Variants in PPM1B observed in about 807,000 individuals in gnomAD.
PPM1B encodes protein phosphatase, Mg2+/Mn2+ dependent 1B.
PPM1B carries 22 observed loss-of-function variants against 43.0 expected under a neutral mutation model. That is an observed-to-expected ratio of 0.51 (90% CI 0.37 to 0.73). The LOEUF (loss-of-function observed/expected upper bound fraction) is 0.73. Among genes scored for constraint, PPM1B ranks in the 30% least tolerant of loss-of-function variants. The pLI, the probability that PPM1B is intolerant of heterozygous loss-of-function variation, is 0.00. For missense variants in PPM1B, 632 were observed against 584.2 expected (o/e 1.08, Z -0.84); for synonymous variants, 217 against 197.9 (o/e 1.10, Z -0.81).
rs1553326413 is a variant in PPM1B at position 44,178,452 on chromosome 2, GTA to G, written c.-15+9200_-15+9201del. ...CCTACCAGTGGTGTATTTTATATAT[GTA>G]TATATATATATATATATATATTTTT... is the stretch of plus-strand genomic sequence containing the variant. On this transcript the variant is annotated intron_variant, in intron 1 of 5. Transcript: ENST00000282412. 9.9e-3 allele frequency among the ~76,000 whole-genome samples: 1,340 copies of G among 135,662 alleles called. 18 individuals carry two copies. Among genetic ancestry groups the G allele is most frequent in the African/African-American group, 0.032 (1,169 of 36,164 alleles). 89.0% of individuals were successfully genotyped at this position (135,662 alleles called of 152,430 possible). A position where few individuals can be genotyped will look rare whatever the true frequency, so the allele number is the denominator to read the frequency against.
At chr2:44,239,435 T>C (rs1335243366), downstream of PPM1B, among the ~76,000 whole-genome samples, 2 of 143,474 alleles carry the variant, frequency 1.4e-5, no homozygotes, top group African/African-American at 4.9e-5. Context: ...CAGACTGTTT[T>C]TCTTTTTTTC....
intron 1 of PPM1B, among the ~76,000 whole-genome samples, chr2:44,194,057 A>T (rs1221246673): frequency 6.6e-6 from 1 of 151,924 alleles, no homozygotes; most frequent in Non-Finnish European, 1.5e-5. Context: ...TGTTTTTAAT[A>T]TCTTTTTGGT....
chr2:44,198,928 A>G (rs920284982), intron 1 of PPM1B, among the ~76,000 whole-genome samples: 2 of 152,168 alleles, frequency 1.3e-5, no homozygotes, highest in East Asian at 1.9e-4. Flanking sequence ...TGAAAATTTC[A>G]TTACAATCAC....
intron 3 of PPM1B, among the ~76,000 whole-genome samples, chr2:44,216,239 A>C (rs1410950807): frequency 6.6e-6 from 1 of 152,174 alleles, no homozygotes; most frequent in Non-Finnish European, 1.5e-5. Context: ...ACTAGAGTAG[A>C]GGGGTGTAAA....
intron 5 of PPM1B, among the ~76,000 whole-genome samples, chr2:44,226,211 A>G (rs1372700102): frequency 2.0e-5 from 3 of 151,622 alleles, no homozygotes; most frequent in African/African-American, 7.3e-5. Flanking sequence ...TCTTGACCTC[A>G]TGATCTGCCT....
At chr2:44,208,542 A>G (rs1669301661) in intron 2 of PPM1B, among the ~76,000 whole-genome samples, 1 of 152,010 alleles carries the variant, frequency 6.6e-6, no homozygotes, top group Non-Finnish European at 1.5e-5. Flanking sequence ...GTGAAACCCC[A>G]TCTCTACTAA....
intron 5 of PPM1B, among the ~76,000 whole-genome samples, chr2:44,229,136 C>G (rs919865405): frequency 1.3e-5 from 2 of 150,920 alleles, no homozygotes; most frequent in African/African-American, 2.4e-5. Context: ...GAGCCGAGAA[C>G]ATGCCATTGC....
chr2:44,172,082 A>AT (rs1667375158), intron 1 of PPM1B, among the ~76,000 whole-genome samples: 1 of 152,212 alleles, frequency 6.6e-6, no homozygotes, highest in Non-Finnish European at 1.5e-5. Flanking sequence ...TTAATCCAAA[A>AT]TTATAATAGC....
chr2:44,191,907 A>G (rs1173948801), intron 1 of PPM1B, among the ~76,000 whole-genome samples: 5 of 151,436 alleles, frequency 3.3e-5, no homozygotes, highest in Admixed American at 6.6e-5. Context: ...GTGTCTCTGT[A>G]TGTGTGTGTG....
rs1553329837 is a variant in PPM1B at position 44,192,190 on chromosome 2, G to GTTATGGTATT, written c.-14-8996_-14-8995insTTATGGTATT. Among the ~76,000 whole-genome samples, 183 of 143,632 alleles carry GTTATGGTATT rather than the reference G, an allele frequency of 1.3e-3. 2 individuals are homozygous for GTTATGGTATT. Among genetic ancestry groups the GTTATGGTATT allele is most frequent in the Middle Eastern group, 7.1e-3 (2 of 280 alleles). The allele number at this position is 143,632 out of a possible 152,430, so 94.2% of individuals were successfully genotyped here. A position where few individuals can be genotyped will look rare whatever the true frequency, so the allele number is the denominator to read the frequency against. On this transcript the variant is annotated intron_variant, in intron 1 of 5. Coordinates refer to ENST00000282412, the MANE Select transcript of PPM1B (RefSeq NM_002706.6). ...TTTATGTTATGTTATGTTATGTTAT[G>GTTATGGTATT]GTATTGTATTGTATTGTATTGTATT...
intron 1 of PPM1B, among the ~76,000 whole-genome samples, chr2:44,183,682 A>G (rs1290086072): frequency 6.6e-6 from 1 of 152,110 alleles, no homozygotes; most frequent in African/African-American, 2.4e-5. Flanking sequence ...CCCAACTTTG[A>G]GCCTGAGGAT....
downstream of PPM1B, chr2:44,234,203 G>T: frequency 3.1e-6 from 3 of 983,412 alleles, no homozygotes; most frequent in Non-Finnish European, 3.6e-6. Context: ...CTGTACTCTA[G>T]AAATATTTAT....
rs1667192622 is a variant in PPM1B, at chr2:44,169,236, G to A, written c.-53G>A. 6.5e-6 allele frequency: 1 copy of A among 154,324 alleles called. No individual in the cohort carries two copies. 9.6% of individuals were successfully genotyped at this position (154,324 alleles called of 1,614,324 possible). A position where few individuals can be genotyped will look rare whatever the true frequency, so the allele number is the denominator to read the frequency against. ...GGGCTGAGTACCGCGGCGGGCGCGA[G>A]CGAGGCGCCCTAGACATCTTCTCCC... On this transcript the variant is annotated 5_prime_UTR_variant, in exon 1 of 6. Coordinates refer to ENST00000282412, the MANE Select transcript of PPM1B (RefSeq NM_002706.6).
chr2:44,231,071 T>C lies in PPM1B; in HGVS notation c.*353T>C. On this transcript the variant is annotated 3_prime_UTR_variant, in exon 6 of 6. Coordinates refer to ENST00000282412, the MANE Select transcript of PPM1B (RefSeq NM_002706.6). ...ATGGAAAAACTTGTTAATGTAGAAT[T>C]ATACTGCTTCATATTATTTTACCTA... The C allele has an allele frequency of 2.2e-6, 2 of 906,136 alleles. No homozygotes were observed. Among genetic ancestry groups the C allele is most frequent in the Non-Finnish European group, 2.7e-6 (2 of 754,548 alleles). The allele number at this position is 906,136 out of a possible 1,614,324, so 56.1% of individuals were successfully genotyped here. A position where few individuals can be genotyped will look rare whatever the true frequency, so the allele number is the denominator to read the frequency against.
At chr2:44,214,638 A>G (rs1470683094) in intron 3 of PPM1B, among the ~76,000 whole-genome samples, 4 of 152,170 alleles carry the variant, frequency 2.6e-5, no homozygotes, top group Admixed American at 2.0e-4. Context: ...AAGCATCAAC[A>G]TAAGGGGTTT....
chr2:44,232,713 AAC>A (rs202001031), downstream of PPM1B: 1 of 1,024,230 alleles, frequency 9.8e-7, no homozygotes, highest in East Asian at 9.5e-5. Context: ...CTTTAAACAA[AAC>A]ACACAACATG....
At chr2:44,194,093 C>G (rs961853040) in intron 1 of PPM1B, among the ~76,000 whole-genome samples, 1 of 152,036 alleles carries the variant, frequency 6.6e-6, no homozygotes, top group Non-Finnish European at 1.5e-5. Flanking sequence ...TTTTTTATTT[C>G]TCTTAAGGAT....
chr2:44,237,112 C>G (rs1670643305), downstream of PPM1B, among the ~76,000 whole-genome samples: 1 of 152,194 alleles, frequency 6.6e-6, no homozygotes, highest in Admixed American at 6.5e-5. Context: ...AGAAAATGCA[C>G]TGAAATGAAG....
At chr2:44,236,167 G>T (rs909501036), downstream of PPM1B, among the ~76,000 whole-genome samples, 1 of 151,822 alleles carries the variant, frequency 6.6e-6, no homozygotes, top group African/African-American at 2.4e-5. Context: ...AGGCCAAGGC[G>T]GGCAGATCAC....
Sources: allele counts gnomAD v4.1 joint callset (sites outside exome capture counted in the v4.1 genomes callset), GRCh38; gene constraint gnomAD v4.1.1; transcripts MANE v1.5; gene names NCBI Gene and HGNC (gene_info 2026-07-23, HGNC 2026-07-21).